CIRSR: variants seen among roughly 807,000 people sequenced by gnomAD.
The protein encoded by CIRSR is CBF1 (RBPJ) interacting corepressor 1.
the CIRSR span, among the ~76,000 whole-genome samples, chr2:174,366,289 A>G: frequency 1.3e-5 from 2 of 152,242 alleles, no homozygotes; most frequent in African/African-American, 4.8e-5. Context: ...TATTTGAAAT[A>G]ACAATGGCTG....
the CIRSR span, chr2:174,370,013 A>G: frequency 8.1e-6 from 11 of 1,365,196 alleles, no homozygotes; most frequent in Non-Finnish European, 1.1e-5. Flanking sequence ...GTAACACAGC[A>G]TCTGCAAAGG....
chr2:174,355,557 T>C, the CIRSR span, among the ~76,000 whole-genome samples: 2 of 152,192 alleles, frequency 1.3e-5, no homozygotes, highest in Non-Finnish European at 2.9e-5. Context: ...AGTATCAAAA[T>C]ACCAATTGTG....
chr2:174,373,166 T>C, the CIRSR span, among the ~76,000 whole-genome samples: 8 of 152,206 alleles, frequency 5.3e-5, no homozygotes. Context: ...AATTTTATCA[T>C]AGAGTTCAGA....
At chr2:174,348,441 A>G in the CIRSR span, 489 of 1,529,944 alleles carry the variant, frequency 3.2e-4, no homozygotes, top group Non-Finnish European at 3.3e-4. Flanking sequence ...AAAAAAGTGG[A>G]GATATTTTTA....
chr2:174,393,173 T>C, the CIRSR span, among the ~76,000 whole-genome samples: 1 of 152,152 alleles, frequency 6.6e-6, no homozygotes, highest in Admixed American at 6.5e-5. Flanking sequence ...CAATTGTCAA[T>C]AGCCAGTTTA....
the CIRSR span, chr2:174,351,508 A>G: frequency 2.7e-5 from 21 of 785,114 alleles, no homozygotes; most frequent in Non-Finnish European, 4.2e-5. Flanking sequence ...TCTTTGCTCT[A>G]TCTTACTTTC....
the CIRSR span, among the ~76,000 whole-genome samples, chr2:174,386,702 C>A: frequency 6.6e-6 from 1 of 152,176 alleles, no homozygotes; most frequent in Non-Finnish European, 1.5e-5. Context: ...CAAAAAACGG[C>A]GCTCAGTTGA....
At chr2:174,378,792 T>G in the CIRSR span, 1 of 738,462 alleles carries the variant, frequency 1.4e-6, no homozygotes, top group Middle Eastern at 3.7e-4. Context: ...GGGAATGGTC[T>G]TAGTCAAAAA....
chr2:174,360,924 T>A, the CIRSR span, among the ~76,000 whole-genome samples: 1 of 152,226 alleles, frequency 6.6e-6, no homozygotes, highest in Non-Finnish European at 1.5e-5. Context: ...TGAAGTACTA[T>A]GACTGGACAA....
chr2:174,381,758 G>A, the CIRSR span: 18 of 1,592,946 alleles, frequency 1.1e-5, no homozygotes, highest in East Asian at 4.6e-5. Flanking sequence ...TTCTTTACAC[G>A]TTCATCTCCC....
chr2:174,383,158 CAT>C, the CIRSR span, among the ~76,000 whole-genome samples: 1 of 152,132 alleles, frequency 6.6e-6, no homozygotes, highest in African/African-American at 2.4e-5. Context: ...GACCACATGA[CAT>C]ATGATCTAAT....
the CIRSR span, among the ~76,000 whole-genome samples, chr2:174,386,474 G>A: frequency 1.8e-3 from 268 of 151,638 alleles, no homozygotes; most frequent in African/African-American, 6.1e-3. Context: ...GAGCCACTGC[G>A]CCCGACCAAA....
At chr2:174,362,305 CAACAAA>C in the CIRSR span, among the ~76,000 whole-genome samples, 113 of 150,274 alleles carry the variant, frequency 7.5e-4, 1 homozygote, top group South Asian at 1.1e-3. Flanking sequence ...GACCTTTTCT[CAACAAA>C]AACAAAAACA....
the CIRSR span, among the ~76,000 whole-genome samples, chr2:174,356,278 C>T: frequency 6.6e-6 from 1 of 151,960 alleles, no homozygotes; most frequent in Non-Finnish European, 1.5e-5. Flanking sequence ...CCAGCTTGGG[C>T]AACATGGTGA....
chr2:174,395,093 T>C, the CIRSR span, among the ~76,000 whole-genome samples: 1 of 152,242 alleles, frequency 6.6e-6, no homozygotes, highest in African/African-American at 2.4e-5. Flanking sequence ...CCTGTAATTA[T>C]GTAAAACACT....
chr2:174,381,442 CAGG>C, the CIRSR span, among the ~76,000 whole-genome samples: 1 of 152,036 alleles, frequency 6.6e-6, no homozygotes. Context: ...ATCACGAGGT[CAGG>C]AGTTCAAGAC....
chr2:174,349,576 A>G, the CIRSR span, among the ~76,000 whole-genome samples: 1 of 151,754 alleles, frequency 6.6e-6, no homozygotes. Flanking sequence ...AAAAAAAAAA[A>G]AAAAAAAAAA....
the CIRSR span, chr2:174,350,726 C>T: frequency 3.1e-6 from 5 of 1,608,780 alleles, no homozygotes; most frequent in South Asian, 3.3e-5. Context: ...ATCTTCTTCA[C>T]CCTCACTTGC....
chr2:174,364,259 G>A, the CIRSR span, among the ~76,000 whole-genome samples: 1 of 152,166 alleles, frequency 6.6e-6, no homozygotes, highest in Admixed American at 6.5e-5. Flanking sequence ...TCACATCCAG[G>A]TCACGCTGAT....
Sources: gnomAD v4.1 joint callset for allele counts (sites outside exome capture counted in the v4.1 genomes callset) on GRCh38, gnomAD v4.1.1 for gene constraint, MANE v1.5 for transcripts, NCBI Gene and HGNC (gene_info 2026-07-23, HGNC 2026-07-21) for gene names.